The following PDE10A variants were observed in gnomAD, a reference collection of about 807,000 sequenced individuals.
The protein encoded by PDE10A is phosphodiesterase 10A.
Under a neutral mutation model 97.7 loss-of-function variants are expected in PDE10A, and 39 were observed. That is an observed-to-expected ratio of 0.40 (90% CI 0.31 to 0.52). PDE10A has a LOEUF of 0.52. Ranked by LOEUF, PDE10A falls within the 20% of genes least tolerant of loss-of-function variation. PDE10A has a pLI of 0.56. For missense variants in PDE10A, 731 were observed against 1,047.8 expected (o/e 0.70, Z 4.17); for synonymous variants, 371 against 376.8 (o/e 0.98, Z 0.18).
chr6:165,577,644 A>G (rs1427105698), intron 1 of PDE10A, among the ~76,000 whole-genome samples: 1 of 152,146 alleles, frequency 6.6e-6, no homozygotes, highest in Non-Finnish European at 1.5e-5. Context: ...GGAGCTCCCC[A>G]CACGTGGGCC....
chr6:165,515,686 G>A (rs545077605), intron 2 of PDE10A, among the ~76,000 whole-genome samples: 2 of 151,970 alleles, frequency 1.3e-5, no homozygotes, highest in Admixed American at 6.6e-5. Flanking sequence ...ATCATGCTTG[G>A]CTAATTTTTG....
chr6:165,855,395 C>A (rs556580598), intron 1 of PDE10A, among the ~76,000 whole-genome samples: 33 of 151,308 alleles, frequency 2.2e-4, no homozygotes, highest in South Asian at 4.2e-4. Flanking sequence ...GGTCAGGCCG[C>A]GGACTGTGGT....
Position 165,406,228 on chromosome 6 carries a change from A to ATGTGTGTGTGTGTGTGTGTGTGTG in PDE10A, c.2076+7249_2076+7272dup, listed in dbSNP as rs3839483. ...TTCAAATTCAAGATGAGGGAAAAGG[A>ATGTGTGTGTGTGTGTGTGTGTGTG]TGTGTGTGTGTGTGTGTGTGTGTGT... On this transcript the variant is annotated intron_variant, in intron 13 of 21. Coordinates refer to ENST00000539869, the MANE Select transcript of PDE10A (RefSeq NM_001385079.1). 7.8e-4 allele frequency among the ~76,000 whole-genome samples: 109 copies of ATGTGTGTGTGTGTGTGTGTGTGTG among 140,504 alleles called. 1 individual carries two copies. Among genetic ancestry groups the ATGTGTGTGTGTGTGTGTGTGTGTG allele is most frequent in the Admixed American group, 1.5e-3 (21 of 14,144 alleles). 92.2% of individuals were successfully genotyped at this position (140,504 alleles called of 152,430 possible). A position where few individuals can be genotyped will look rare whatever the true frequency, so the allele number is the denominator to read the frequency against.
chr6:165,345,194 C>A (rs1782225380), intron 18 of PDE10A, among the ~76,000 whole-genome samples: 1 of 152,086 alleles, frequency 6.6e-6, no homozygotes, highest in African/African-American at 2.4e-5. Context: ...AAAAAACTTT[C>A]ATAAATCTGT....
At chr6:165,897,636 C>A (rs117565364) in intron 1 of PDE10A, among the ~76,000 whole-genome samples, 3 of 151,072 alleles carry the variant, frequency 2.0e-5, no homozygotes, top group Non-Finnish European at 3.0e-5. Flanking sequence ...GCCCCCCAGC[C>A]CCCCCACCTC....
intron 1 of PDE10A, among the ~76,000 whole-genome samples, chr6:165,850,216 G>A (rs1780537616): frequency 6.6e-6 from 1 of 152,228 alleles, no homozygotes; most frequent in African/African-American, 2.4e-5. Flanking sequence ...GCCGCCACCT[G>A]GACTCCGGGA....
chr6:165,906,619 G>A lies in PDE10A; in HGVS notation c.-615+80910C>T, dbSNP rs115773587. Among the ~76,000 whole-genome samples, 1,030 of 152,302 alleles carry A rather than the reference G, an allele frequency of 6.8e-3. 10 individuals are homozygous for A. Among genetic ancestry groups the A allele is most frequent in the African/African-American group, 0.023 (970 of 41,550 alleles). On this transcript the variant is annotated intron_variant, in intron 1 of 19. Coordinates refer to the PDE10A transcript ENST00000366882. ...AAGAATGGAAATAATGGAAAGGTAA[G>A]GTGGAAGGAACATCTGGGAAGGGGT...
At chr6:165,458,153 T>C (rs1240912134) in intron 3 of PDE10A, among the ~76,000 whole-genome samples, 1 of 152,226 alleles carries the variant, frequency 6.6e-6, no homozygotes, top group Admixed American at 6.5e-5. Flanking sequence ...ATATTGTTTA[T>C]AATGTTTTAT....
chr6:165,592,454 A>T (rs375551122), intron 1 of PDE10A, among the ~76,000 whole-genome samples: 2 of 152,356 alleles, frequency 1.3e-5, no homozygotes, highest in East Asian at 3.9e-4. Context: ...GACAAATGGG[A>T]TCTAATTAAA....
chr6:165,770,329 G>T (rs1379173289), intron 1 of PDE10A, among the ~76,000 whole-genome samples: 1 of 151,944 alleles, frequency 6.6e-6, no homozygotes, highest in Non-Finnish European at 1.5e-5. Context: ...AAGAAAGAAA[G>T]AAGGAGAAAG....
intron 1 of PDE10A, among the ~76,000 whole-genome samples, chr6:165,943,346 G>GAAAGAAAAAGAAAGAA: frequency 1.3e-5 from 1 of 79,488 alleles, no homozygotes; most frequent in Non-Finnish European, 2.6e-5. Flanking sequence ...AGAAAGAAAA[G>GAAAGAAAAAGAAAGAA]AGAAAGAAAG....
At chr6:165,470,768 C>G (rs1778947104) in intron 3 of PDE10A, among the ~76,000 whole-genome samples, 1 of 151,584 alleles carries the variant, frequency 6.6e-6, no homozygotes. Flanking sequence ...GGGAGGCTGA[C>G]AGGGCCTCTC....
At position 165,339,363 on chromosome 6, in the gene PDE10A, G is replaced by A; in HGVS notation, c.2896-5C>T. 6.6e-7 allele frequency: 1 copy of A among 1,513,448 alleles called. No individual in the cohort carries two copies. The highest frequency in any genetic ancestry group is 9.2e-7 in the Non-Finnish European group (1 of 1,088,852). 93.8% of individuals were successfully genotyped at this position (1,513,448 alleles called of 1,614,324 possible). ...CAATTTCTTCATTTCATCACCCTAAGATGAATGGGGAGAAAATCATGCTTT... is the reference window on the plus strand; with the variant it reads ...CAATTTCTTCATTTCATCACCCTAAAATGAATGGGGAGAAAATCATGCTTT... On this transcript the variant is annotated splice_polypyrimidine_tract_variant and splice_region_variant and intron_variant, in intron 19 of 21. Coordinates refer to ENST00000539869, the MANE Select transcript of PDE10A (RefSeq NM_001385079.1).
chr6:165,943,254 G>GAAAGAAAGAAA lies in PDE10A; in HGVS notation c.-615+44274_-615+44275insTTTCTTTCTTT, dbSNP rs1562809863. On this transcript the variant is annotated intron_variant, in intron 1 of 19. Coordinates refer to the PDE10A transcript ENST00000366882. ...AAGAAAGAAGGAAGGAAGGAAGGAA[G>GAAAGAAAGAAA]GAAGGAAGGAAGGAAGGAAGGAAAG... Among the ~76,000 whole-genome samples the GAAAGAAAGAAA allele has an allele frequency of 3.3e-3, 236 of 71,570 alleles. 23 individuals are homozygous for GAAAGAAAGAAA. Among genetic ancestry groups the GAAAGAAAGAAA allele is most frequent in the Middle Eastern group, 0.023 (3 of 132 alleles). The allele number at this position is 71,570 out of a possible 152,430, so 47.0% of individuals were successfully genotyped here.
At chr6:165,441,808 A>AT (rs1356784879) in intron 5 of PDE10A, among the ~76,000 whole-genome samples, 1 of 152,178 alleles carries the variant, frequency 6.6e-6, no homozygotes, top group Non-Finnish European at 1.5e-5. Flanking sequence ...AGATGAATCA[A>AT]TGCCCTACTG....
chr6:165,468,071 A>C (rs750524353), intron 3 of PDE10A, among the ~76,000 whole-genome samples: 26 of 152,004 alleles, frequency 1.7e-4, no homozygotes, highest in Non-Finnish European at 2.8e-4. Flanking sequence ...ATAAAGCCAT[A>C]CATAATTTTA....
At chr6:165,498,081 TG>T (rs1780642827) in intron 2 of PDE10A, among the ~76,000 whole-genome samples, 1 of 151,914 alleles carries the variant, frequency 6.6e-6, no homozygotes, top group South Asian at 2.1e-4. Flanking sequence ...ATTTAGGATG[TG>T]GGGAAATGAG....
chr6:165,547,701 A>G (rs1379871755), intron 1 of PDE10A, among the ~76,000 whole-genome samples: 1 of 152,192 alleles, frequency 6.6e-6, no homozygotes, highest in African/African-American at 2.4e-5. Context: ...CAACATTTTG[A>G]TATTGAGCCA....
intron 1 of PDE10A, among the ~76,000 whole-genome samples, chr6:165,934,975 T>TG: frequency 6.6e-6 from 1 of 152,298 alleles, no homozygotes; most frequent in South Asian, 2.1e-4. Context: ...ATAGCAAATT[T>TG]GGGGCTCAAA....
Sources: allele counts gnomAD v4.1 joint callset (sites outside exome capture counted in the v4.1 genomes callset), GRCh38; gene constraint gnomAD v4.1.1; transcripts MANE v1.5; gene names NCBI Gene and HGNC (gene_info 2026-07-23, HGNC 2026-07-21).